Variants in SLC25A13 observed in about 807,000 individuals in gnomAD.
SLC25A13 encodes solute carrier family 25 member 13.
A neutral mutation model predicts 85.5 loss-of-function variants in SLC25A13; 70 were observed. The observed-to-expected ratio is 0.82, with a 90% CI of 0.68 to 1.00. The LOEUF (loss-of-function observed/expected upper bound fraction) is 1.00. Among genes scored for constraint, SLC25A13 ranks in the 50% least tolerant of loss-of-function variants. The pLI, the probability that SLC25A13 is intolerant of heterozygous loss-of-function variation, is 0.00. For missense variants in SLC25A13, 765 were observed against 819.8 expected, an observed-to-expected ratio of 0.93 and a Z score of 0.82; for synonymous variants, 259 against 288.7, an observed-to-expected ratio of 0.90 and a Z score of 1.04.
Position 96,184,190 on chromosome 7 carries a change from C to G in SLC25A13, c.1177+87G>C. On this transcript the variant is annotated intron_variant, in intron 11 of 17. Coordinates refer to ENST00000265631, the MANE Select transcript of SLC25A13 (RefSeq NM_014251.3). ...TGCTGTATTTCCATTTTAACGCAGT[C>G]TTGCTAATTCATGTCAGGCACTAAG... 2.7e-6 allele frequency: 4 copies of G among 1,495,852 alleles called. No individual in the cohort carries two copies. In the Admixed American group the frequency reaches 5.0e-5, roughly 19 times the overall value. 92.7% of individuals were successfully genotyped at this position (1,495,852 alleles called of 1,614,324 possible).
chr7:96,273,694 T>C (rs894937928), intron 3 of SLC25A13, among the ~76,000 whole-genome samples: 12 of 152,222 alleles, frequency 7.9e-5, no homozygotes, highest in African/African-American at 2.7e-4. Flanking sequence ...GTATAGATTG[T>C]GTGCTCACCA....
At chr7:96,274,755 C>T (rs1293647502) in intron 3 of SLC25A13, among the ~76,000 whole-genome samples, 1 of 152,030 alleles carries the variant, frequency 6.6e-6, no homozygotes, top group African/African-American at 2.4e-5. Flanking sequence ...GCACCATTTA[C>T]TAAATAGGGA....
At chr7:96,235,101 T>C (rs560430700) in intron 3 of SLC25A13, among the ~76,000 whole-genome samples, 184 bp from the exon 4 acceptor site, 8 of 152,304 alleles carry the variant, frequency 5.3e-5, no homozygotes, top group African/African-American at 1.9e-4. Context: ...ATGCACAGAA[T>C]CTAAAAGACA....
chr7:96,244,206 T>C (rs1335943841), intron 3 of SLC25A13, among the ~76,000 whole-genome samples: 2 of 151,976 alleles, frequency 1.3e-5, no homozygotes, highest in African/African-American at 4.8e-5. Context: ...CCCCTCCCCA[T>C]CAAGAGGAGG....
At chr7:96,298,474 C>A (rs896129646) in intron 1 of SLC25A13, among the ~76,000 whole-genome samples, 2 of 151,914 alleles carry the variant, frequency 1.3e-5, no homozygotes, top group African/African-American at 4.8e-5. Flanking sequence ...ACTCTTGTTG[C>A]CCAGGCTGGA....
intron 3 of SLC25A13, among the ~76,000 whole-genome samples, chr7:96,249,239 A>G (rs984848707): frequency 1.3e-5 from 2 of 152,260 alleles, no homozygotes; most frequent in African/African-American, 4.8e-5. Context: ...ACAGAATACT[A>G]CTATTCCCAC....
chr7:96,176,634 C>A (rs1794233563), intron 11 of SLC25A13, among the ~76,000 whole-genome samples: 1 of 152,128 alleles, frequency 6.6e-6, no homozygotes, highest in Admixed American at 6.5e-5. Flanking sequence ...GGTGTGGGGA[C>A]CAAGCCCAGA....
At chr7:96,294,212 T>C (rs1485191386) in intron 2 of SLC25A13, among the ~76,000 whole-genome samples, 6 of 146,858 alleles carry the variant, frequency 4.1e-5, no homozygotes, top group South Asian at 4.2e-4. Flanking sequence ...TTCTCACTCA[T>C]AGGTGGGAAT....
chr7:96,199,903 G>A (rs73232584), intron 5 of SLC25A13, among the ~76,000 whole-genome samples: 1 of 151,892 alleles, frequency 6.6e-6, no homozygotes, highest in Non-Finnish European at 1.5e-5. Context: ...CCAATTTTCA[G>A]GTAGGTATAT....
intron 13 of SLC25A13, among the ~76,000 whole-genome samples, chr7:96,148,371 GAGA>G (rs1792888863): frequency 6.6e-6 from 1 of 152,176 alleles, no homozygotes; most frequent in South Asian, 2.1e-4. Context: ...GCAGGTCCAT[GAGA>G]AGAACAACTC....
chr7:96,135,858 G>GTT (rs57884645), intron 14 of SLC25A13, among the ~76,000 whole-genome samples: 5,289 of 132,908 alleles, frequency 0.04, 225 homozygotes, highest in African/African-American at 0.1. Context: ...TCCTGCTTTG[G>GTT]TTTTTTTTTT....
At chr7:96,244,545 A>C (rs1031912286) in intron 3 of SLC25A13, among the ~76,000 whole-genome samples, 1 of 152,208 alleles carries the variant, frequency 6.6e-6, no homozygotes, top group African/African-American at 2.4e-5. Flanking sequence ...TTGTTGGACA[A>C]GTTGGAACAG....
At chr7:96,151,089 T>C (rs1793023709) in intron 13 of SLC25A13, among the ~76,000 whole-genome samples, 1 of 151,918 alleles carries the variant, frequency 6.6e-6, no homozygotes, top group South Asian at 2.1e-4. Flanking sequence ...GGGACTACAG[T>C]GTGATTAGGA....
At position 96,296,583 on chromosome 7, in the gene SLC25A13, C is replaced by T. The variant is rs560669992; in HGVS notation, c.69+315G>A. ...GCAACCTCCGCCTCCCAGGTTCAAG[C>T]GATTCTCCCACCTCAGCCTCCTGAA... On this transcript the variant is annotated intron_variant, in intron 2 of 17. Transcript: ENST00000265631. Among the ~76,000 whole-genome samples, 6 of 151,930 alleles carry T rather than the reference C, an allele frequency of 3.9e-5. No homozygotes were observed. The South Asian group carries it at 1.0e-3, about 26-fold the overall frequency.
intron 4 of SLC25A13, among the ~76,000 whole-genome samples, chr7:96,215,875 C>G (rs1394206675): frequency 6.6e-6 from 1 of 151,990 alleles, no homozygotes; most frequent in Non-Finnish European, 1.5e-5. Flanking sequence ...ATTAAAATGG[C>G]CAGGCACGGT....
At chr7:96,176,885 G>A (rs910325130) in intron 11 of SLC25A13, among the ~76,000 whole-genome samples, 3 of 152,132 alleles carry the variant, frequency 2.0e-5, no homozygotes, top group Non-Finnish European at 4.4e-5. Flanking sequence ...CTTTGGAGGT[G>A]GACAGACCTG....
intron 1 of SLC25A13, among the ~76,000 whole-genome samples, chr7:96,299,751 C>T (rs138344462): frequency 2.6e-5 from 4 of 152,302 alleles, no homozygotes; most frequent in South Asian, 2.1e-4. Flanking sequence ...GTGTGAACAT[C>T]ATATAGTGTA....
intron 5 of SLC25A13, among the ~76,000 whole-genome samples, chr7:96,204,087 T>C (rs1353066755): frequency 6.6e-6 from 1 of 152,210 alleles, no homozygotes; most frequent in Non-Finnish European, 1.5e-5. Flanking sequence ...ATGAAAGCTA[T>C]GGGCCATTTC....
At chr7:96,238,355 C>T (rs1242265314) in intron 3 of SLC25A13, among the ~76,000 whole-genome samples, 1 of 151,724 alleles carries the variant, frequency 6.6e-6, no homozygotes, top group Admixed American at 6.6e-5. Flanking sequence ...GAACCTCCAC[C>T]TTGGATGTCT....
Sources: gnomAD v4.1 joint callset for allele counts (sites outside exome capture counted in the v4.1 genomes callset) on GRCh38, gnomAD v4.1.1 for gene constraint, MANE v1.5 for transcripts, NCBI Gene and HGNC (gene_info 2026-07-23, HGNC 2026-07-21) for gene names.